CDC42BPA: variants seen among roughly 807,000 people sequenced by gnomAD.
The protein encoded by CDC42BPA is CDC42 binding protein kinase alpha.
Under a neutral mutation model 223.5 loss-of-function variants are expected in CDC42BPA, and 80 were observed. The ratio of observed to expected loss-of-function variants is 0.36; its 90% confidence interval spans 0.30 to 0.43. CDC42BPA has a LOEUF of 0.43. Among genes scored for constraint, CDC42BPA ranks in the 20% least tolerant of loss-of-function variants. The probability of loss-of-function intolerance (pLI) is 1.00; values close to 1 mark genes in which losing one functional copy is unlikely to be tolerated. For synonymous variants in CDC42BPA, 694 were observed against 718.6 expected (o/e 0.97, Z 0.55); for missense variants, 1,743 against 2,099.9 (o/e 0.83, Z 3.32).
chr1:227,106,581 G>A (rs1391584760), intron 14 of CDC42BPA, among the ~76,000 whole-genome samples: 2 of 152,122 alleles, frequency 1.3e-5, no homozygotes, highest in Non-Finnish European at 2.9e-5. Context: ...GTTAGGAAGT[G>A]TTTCCTCCTC....
At chr1:227,000,271 A>G (rs1461484750) in intron 35 of CDC42BPA, among the ~76,000 whole-genome samples, 2 of 152,132 alleles carry the variant, frequency 1.3e-5, no homozygotes, top group Non-Finnish European at 1.5e-5. Context: ...ATTTGTTGAC[A>G]TATTTCTTGG....
At position 227,119,873 on chromosome 1, in the gene CDC42BPA, A is replaced by G; in HGVS notation, c.1578T>C (p.Ala526=). The G allele has an allele frequency of 6.2e-7, 1 of 1,604,432 alleles. No individual in the cohort carries two copies. The highest frequency in any genetic ancestry group is 8.5e-7 in the Non-Finnish European group (1 of 1,174,700). The part of the protein sequence containing the change: ...ANAVRQELDD[A]FRQIKAYEKQ... The stretch of plus-strand genomic sequence containing the variant: ...TTTCATAAGCCTTGATTTGTCTAAA[A>G]GCATCATCTAGTTCTTGCCTCACAG... Residue 526 remains alanine, a synonymous_variant, in exon 12 of 37, where the codon GCT becomes GCC. Transcript: ENST00000366766.
At chr1:227,217,474 A>G (rs1462622003) in intron 2 of CDC42BPA, among the ~76,000 whole-genome samples, 1 of 151,578 alleles carries the variant, frequency 6.6e-6, no homozygotes, top group Non-Finnish European at 1.5e-5. Context: ...GAAAAAAAAG[A>G]AAATCTTGCC....
chr1:227,184,392 T>G (rs943928226), intron 5 of CDC42BPA, among the ~76,000 whole-genome samples: 2 of 104,300 alleles, frequency 1.9e-5, no homozygotes, highest in African/African-American at 4.7e-5. Context: ...TTATTTGGGG[T>G]TTTTTTTTTG....
intron 4 of CDC42BPA, among the ~76,000 whole-genome samples, chr1:227,195,158 T>C (rs1009576417): frequency 6.6e-6 from 1 of 152,226 alleles, no homozygotes; most frequent in African/African-American, 2.4e-5. Context: ...TCCTGTGTCT[T>C]TGGCCTACTT....
chr1:226,995,657 T>A (rs1661465695), intron 35 of CDC42BPA, among the ~76,000 whole-genome samples: 4 of 152,184 alleles, frequency 2.6e-5, no homozygotes, highest in Admixed American at 2.6e-4. Context: ...CACTCTCTAT[T>A]TTGTTCTCAG....
chr1:227,041,561 A>C (rs1390820475), intron 23 of CDC42BPA, among the ~76,000 whole-genome samples: 2 of 152,226 alleles, frequency 1.3e-5, no homozygotes, highest in Non-Finnish European at 2.9e-5. Context: ...AGTTAAAAAT[A>C]AATCTTGTTC....
At chr1:227,287,996 T>C (rs753782559) in intron 1 of CDC42BPA, among the ~76,000 whole-genome samples, 17 of 152,210 alleles carry the variant, frequency 1.1e-4, no homozygotes, top group Non-Finnish European at 1.8e-4. Context: ...GTGCTTGGTT[T>C]CCTCCGGCTT....
intron 2 of CDC42BPA, among the ~76,000 whole-genome samples, chr1:227,246,400 G>A (rs554171932): frequency 2.2e-3 from 338 of 152,068 alleles, no homozygotes; most frequent in Non-Finnish European, 4.0e-3. Flanking sequence ...ACCCTGAAGG[G>A]AAGGGCCTTG....
At chr1:227,101,925 G>A (rs565653811) in intron 14 of CDC42BPA, among the ~76,000 whole-genome samples, 1 of 152,242 alleles carries the variant, frequency 6.6e-6, no homozygotes, top group African/African-American at 2.4e-5. Flanking sequence ...ATTCTTCCAG[G>A]TACTGCCTAA....
rs1183750850 is a variant in CDC42BPA, at chr1:226,992,052, G to C, written c.*2216C>G. 1 of 140,676 alleles carries C rather than the reference G, an allele frequency of 7.1e-6. No homozygotes were observed. The highest frequency in any genetic ancestry group is 2.7e-5 in the African/African-American group (1 of 37,342). The allele number at this position is 140,676 out of a possible 1,614,324, so 8.7% of individuals were successfully genotyped here. A position where few individuals can be genotyped will look rare whatever the true frequency, so the allele number is the denominator to read the frequency against. On this transcript the variant is annotated 3_prime_UTR_variant, in exon 37 of 37. Coordinates refer to ENST00000366766, the MANE Select transcript of CDC42BPA (RefSeq NM_001394014.1). Reference sequence around the variant, plus strand: ...AGGGTGGGGAGAGTGAGGAGGGTGGGGAGAGTGGGGAGGAGAGGAGAGAAG... The same window carrying C: ...AGGGTGGGGAGAGTGAGGAGGGTGGCGAGAGTGGGGAGGAGAGGAGAGAAG...
intron 1 of CDC42BPA, among the ~76,000 whole-genome samples, chr1:227,297,979 C>T (rs1690977300): frequency 7.6e-6 from 1 of 130,830 alleles, no homozygotes; most frequent in South Asian, 2.3e-4. Context: ...CACACACACA[C>T]ACATATATAC....
At chr1:227,106,532 G>T (rs1382790679) in intron 14 of CDC42BPA, among the ~76,000 whole-genome samples, 2 of 151,922 alleles carry the variant, frequency 1.3e-5, no homozygotes, top group Admixed American at 6.6e-5. Context: ...TTTTTTGTCT[G>T]GCTCTGGTAT....
chr1:227,084,879 C>G (rs1214498086), intron 16 of CDC42BPA, among the ~76,000 whole-genome samples: 1 of 151,980 alleles, frequency 6.6e-6, no homozygotes, highest in Non-Finnish European at 1.5e-5. Flanking sequence ...GAGAGAAGAA[C>G]CCCCTCCCTA....
At chr1:227,105,003 C>T (rs1328511659) in intron 14 of CDC42BPA, among the ~76,000 whole-genome samples, 1 of 152,152 alleles carries the variant, frequency 6.6e-6, no homozygotes, top group Non-Finnish European at 1.5e-5. Flanking sequence ...TCATATATAA[C>T]AACTTAAAAG....
chr1:227,276,179 A>G (rs965122058), intron 1 of CDC42BPA, among the ~76,000 whole-genome samples: 3 of 139,312 alleles, frequency 2.2e-5, no homozygotes, highest in Non-Finnish European at 4.6e-5. Context: ...CCTGCCGCCC[A>G]TCGTCTGAGA....
At chr1:227,314,711 A>G (rs376456727) in intron 1 of CDC42BPA, among the ~76,000 whole-genome samples, 2 of 147,354 alleles carry the variant, frequency 1.4e-5, no homozygotes, top group African/African-American at 5.0e-5. Context: ...ATATGTAACA[A>G]CTTGTGTTAT....
In CDC42BPA at chr1:226,993,807, C is replaced by T. The variant is rs944001765; in HGVS notation, c.*461G>A. The T allele has an allele frequency of 1.3e-5, 2 of 157,012 alleles. No homozygotes were observed. The highest frequency in any genetic ancestry group is 4.8e-5 in the African/African-American group (2 of 41,474). 9.7% of individuals were successfully genotyped at this position (157,012 alleles called of 1,614,324 possible). A position where few individuals can be genotyped will look rare whatever the true frequency, so the allele number is the denominator to read the frequency against. On this transcript the variant is annotated 3_prime_UTR_variant, in exon 37 of 37. Coordinates refer to ENST00000366766, the MANE Select transcript of CDC42BPA (RefSeq NM_001394014.1). Reference sequence around the variant, plus strand: ...TTTCCTGGCAACAATCAGGTTGATACTCACTGCGTTTGCTGATTAAGAGCT... The same window carrying T: ...TTTCCTGGCAACAATCAGGTTGATATTCACTGCGTTTGCTGATTAAGAGCT...
intron 4 of CDC42BPA, among the ~76,000 whole-genome samples, chr1:227,195,036 C>T (rs560020293): frequency 2.2e-4 from 34 of 152,234 alleles, no homozygotes; most frequent in Admixed American, 2.0e-3. Flanking sequence ...ATTCAAATTC[C>T]TTTTATTACT....
Sources: gnomAD v4.1 joint callset for allele counts (sites outside exome capture counted in the v4.1 genomes callset) on GRCh38, gnomAD v4.1.1 for gene constraint, MANE v1.5 for transcripts, NCBI Gene and HGNC (gene_info 2026-07-23, HGNC 2026-07-21) for gene names.